Variants in ELAPOR1 observed in about 807,000 individuals in gnomAD.
ELAPOR1 encodes endosome/lysosome-associated apoptosis and autophagy regulator 1.
In ELAPOR1, 77 loss-of-function variants were observed where a neutral mutation model predicts 119.7. The observed-to-expected ratio is 0.64, with a 90% confidence interval of 0.54 to 0.78. The LOEUF (loss-of-function observed/expected upper bound fraction) is 0.78, where lower values mean the gene tolerates loss of function less well. Among genes scored for constraint, ELAPOR1 ranks in the 30% least tolerant of loss-of-function variants. ELAPOR1 has a pLI of 0.00. For missense variants in ELAPOR1, 1,115 were observed against 1,270.4 expected (o/e 0.88, Z 1.86); for synonymous variants, 481 against 487.2 (o/e 0.99, Z 0.17).
At position 109,166,103 on chromosome 1, in the gene ELAPOR1, G is replaced by C. The variant is rs536073117; in HGVS notation, c.467+1412G>C. On this transcript the variant is annotated intron_variant, in intron 3 of 21. Transcript: ENST00000369939. ...GCTAATTTTTTGTATTTTTAGTAGA[G>C]ATGGGGTTTCACCGTGTTAGCCAGG... 7.9e-5 allele frequency among the ~76,000 whole-genome samples: 12 copies of C among 152,168 alleles called. No homozygotes were observed. In the South Asian group the frequency reaches 2.5e-3, roughly 32 times the overall value.
chr1:109,149,946 G>A (rs868604156), intron 1 of ELAPOR1, among the ~76,000 whole-genome samples: 1 of 152,214 alleles, frequency 6.6e-6, no homozygotes, highest in African/African-American at 2.4e-5. Context: ...AGAAGATGCA[G>A]GTACAGTGCC....
intron 7 of ELAPOR1, among the ~76,000 whole-genome samples, chr1:109,179,320 T>C (rs1652551494): frequency 1.3e-5 from 2 of 149,058 alleles, no homozygotes; most frequent in Non-Finnish European, 3.0e-5. Flanking sequence ...GAGAATTGCT[T>C]GAACCCGGGA....
In ELAPOR1 at chr1:109,114,350, C is replaced by G. The variant is rs763454120; in HGVS notation, c.153+14C>G. 1.2e-5 allele frequency: 18 copies of G among 1,564,750 alleles called. No homozygotes were observed. In the East Asian group the frequency reaches 3.6e-4, roughly 31 times the overall value. ...GCCTGCAAAGAGGTACTGCCGCCCC[C>G]CTACCCGATCCCGCTTTGGTCACAA... On this transcript the variant is annotated intron_variant, in intron 1 of 21. Transcript: ENST00000369939.
chr1:109,194,859 G>A (rs1267905566), intron 15 of ELAPOR1, among the ~76,000 whole-genome samples: 1 of 152,220 alleles, frequency 6.6e-6, no homozygotes, highest in Admixed American at 6.5e-5. Flanking sequence ...TGTAATCCCA[G>A]CACTTTGGGA....
chr1:109,140,098 C>CATTTATTT (rs370169097), intron 1 of ELAPOR1, among the ~76,000 whole-genome samples: 11,236 of 151,710 alleles, frequency 0.074, 462 homozygotes, highest in South Asian at 0.11. Context: ...TAGTATATAT[C>CATTTATTT]ATTTATTTAT....
intron 3 of ELAPOR1, among the ~76,000 whole-genome samples, chr1:109,171,057 T>C (rs898173432): frequency 6.6e-6 from 1 of 152,198 alleles, no homozygotes; most frequent in African/African-American, 2.4e-5. Flanking sequence ...TACTGAGTTA[T>C]TTGACAGCTT....
chr1:109,149,476 C>G (rs370817623), intron 1 of ELAPOR1, among the ~76,000 whole-genome samples: 1 of 152,086 alleles, frequency 6.6e-6, no homozygotes, highest in Non-Finnish European at 1.5e-5. Flanking sequence ...TGACTGTCCC[C>G]GGTCATGCAG....
At chr1:109,140,719 A>C (rs983994508) in intron 1 of ELAPOR1, among the ~76,000 whole-genome samples, 1 of 152,252 alleles carries the variant, frequency 6.6e-6, no homozygotes, top group Non-Finnish European at 1.5e-5. Context: ...GAGGTGCTGA[A>C]TATAGCAGTT....
intron 1 of ELAPOR1, among the ~76,000 whole-genome samples, chr1:109,128,740 G>T (rs1292079983): frequency 1.3e-5 from 2 of 152,190 alleles, no homozygotes; most frequent in African/African-American, 2.4e-5. Context: ...GCCAAAATTT[G>T]TTACCTCCCT....
At chr1:109,150,929 G>A (rs1269496457) in intron 1 of ELAPOR1, among the ~76,000 whole-genome samples, 2 of 152,092 alleles carry the variant, frequency 1.3e-5, no homozygotes, top group Non-Finnish European at 2.9e-5. Flanking sequence ...TCCTGTGTAG[G>A]GAGGAGGAGG....
At chr1:109,137,273 G>A (rs572269121) in intron 1 of ELAPOR1, among the ~76,000 whole-genome samples, 10 of 151,746 alleles carry the variant, frequency 6.6e-5, no homozygotes, top group Admixed American at 5.9e-4. Context: ...GTGTGATCTC[G>A]GCTCACTGCA....
rs375880160 is a variant in ELAPOR1, at chr1:109,202,962, G to A, written c.2992G>A (p.Asp998Asn). Residue 998 changes from aspartate (D) to asparagine (N), a missense_variant, in exon 22 of 22, where the codon GAC becomes AAC. By Grantham distance (23) the Asp-to-Asn change is conservative. Transcript: ENST00000369939. ...CTTTCAGAGGACTCCTGATGGATTT[G>A]ACTCAGTGCCGCTGAAGACATCCTC... The part of the protein sequence containing the change: ...FTSKRTPDGF[D>N]SVPLKTSSGG... 1.9e-6 allele frequency: 3 copies of A among 1,613,772 alleles called. No individual in the cohort carries two copies. Among genetic ancestry groups the A allele is most frequent in the Non-Finnish European group, 2.5e-6 (3 of 1,179,912 alleles).
At chr1:109,186,594 G>T (rs1357465270) in intron 8 of ELAPOR1, 1 of 985,350 alleles carries the variant, frequency 1.0e-6, no homozygotes, top group Non-Finnish European at 1.2e-6. Context: ...GAATGGCTGT[G>T]TCTTGTCAGT....
intron 1 of ELAPOR1, among the ~76,000 whole-genome samples, chr1:109,155,329 T>C (rs144722522): frequency 6.6e-6 from 1 of 151,934 alleles, no homozygotes; most frequent in Non-Finnish European, 1.5e-5. Flanking sequence ...GCACCCACCA[T>C]CACGCCCGGC....
chr1:109,144,061 A>ATATTTTTTTTTTTTTTTTTTTTTT, intron 1 of ELAPOR1, among the ~76,000 whole-genome samples: 4 of 88,988 alleles, frequency 4.5e-5, no homozygotes, highest in African/African-American at 4.8e-5. Context: ...ATATTTATAT[A>ATATTTTTTTTTTTTTTTTTTTTTT]TTTTTTTTTT....
At chr1:109,174,446 A>AAAAAAAAC (rs1652130114) in intron 7 of ELAPOR1, among the ~76,000 whole-genome samples, 1 of 133,258 alleles carries the variant, frequency 7.5e-6, no homozygotes, top group Non-Finnish European at 1.6e-5. Context: ...AAAAAAAAAA[A>AAAAAAAAC]AATCATTCAA....
intron 8 of ELAPOR1, chr1:109,186,808 G>A (rs1019122895): frequency 2.4e-5 from 24 of 985,380 alleles, no homozygotes; most frequent in Admixed American, 1.8e-4. Context: ...CTGGGCTCAC[G>A]CCAAGGCCTT....
At chr1:109,195,274 A>C (rs559922947) in intron 15 of ELAPOR1, among the ~76,000 whole-genome samples, 11 of 152,136 alleles carry the variant, frequency 7.2e-5, no homozygotes, top group African/African-American at 2.4e-4. Context: ...TGGGTGGATC[A>C]TGAGGTCAGG....
At position 109,188,330 on chromosome 1, in the gene ELAPOR1, T is replaced by C. The variant is rs1372338558; in HGVS notation, c.1195T>C (p.Tyr399His). 6.2e-7 allele frequency: 1 copy of C among 1,613,756 alleles called. No homozygotes were observed. The highest frequency in any genetic ancestry group is 1.1e-5 in the South Asian group (1 of 91,064). Residue 399 changes from tyrosine (Y) to histidine (H), a missense_variant, in exon 9 of 22, where the codon TAT becomes CAT. By Grantham distance (83) the Tyr-to-His change is moderately conservative. Coordinates refer to ENST00000369939, the MANE Select transcript of ELAPOR1 (RefSeq NM_020775.5). ...TNNSTCQPCP[Y>H]GSYSNGSDCT... Reference sequence around the variant, plus strand: ...CAACAGCACCTGCCAGCCCTGCCCATATGGTTCCTACTCCAATGGCTCAGG... The same window carrying C: ...CAACAGCACCTGCCAGCCCTGCCCACATGGTTCCTACTCCAATGGCTCAGG...
Sources: allele counts gnomAD v4.1 joint callset (sites outside exome capture counted in the v4.1 genomes callset), GRCh38; gene constraint gnomAD v4.1.1; transcripts MANE v1.5; gene names NCBI Gene and HGNC (gene_info 2026-07-23, HGNC 2026-07-21).